Variants in UGT1A3 observed in about 807,000 individuals in gnomAD.
The protein encoded by UGT1A3 is UDP glucuronosyltransferase family 1 member A3, also known as UDP-glucuronosyltransferase 1A3.
Under a neutral mutation model 41.0 loss-of-function variants are expected in UGT1A3, and 31 were observed. The ratio of observed to expected loss-of-function variants is 0.76; its 90% CI spans 0.57 to 1.02. The LOEUF (loss-of-function observed/expected upper bound fraction) is 1.02. Among genes scored for constraint, UGT1A3 ranks in the 50% least tolerant of loss-of-function variants. UGT1A3 has a pLI of 0.00. For missense variants in UGT1A3, 737 were observed against 671.0 expected (o/e 1.10, Z -1.09); for synonymous variants, 262 against 257.6 (o/e 1.02, Z -0.17).
intron 4 of UGT1A3, chr2:233,771,715 T>C (rs1700358256): frequency 6.5e-6 from 1 of 152,904 alleles, no homozygotes; most frequent in African/African-American, 2.4e-5. Flanking sequence ...AAGGTTAAAA[T>C]ATTTCTAAAA....
intron 1 of UGT1A3, among the ~76,000 whole-genome samples, chr2:233,744,831 G>A (rs1406769887): frequency 6.6e-6 from 1 of 151,816 alleles, no homozygotes; most frequent in African/African-American, 2.4e-5. Flanking sequence ...TTTGAGAATC[G>A]CTAGTCTAGC....
At chr2:233,763,682 G>T (rs17864705) in intron 1 of UGT1A3, among the ~76,000 whole-genome samples, 10,348 of 152,178 alleles carry the variant, frequency 0.068, 497 homozygotes, top group East Asian at 0.2. Context: ...TAAGAATAAA[G>T]ATAAAACTTT....
chr2:233,736,955 C>T (rs954996490), intron 1 of UGT1A3, among the ~76,000 whole-genome samples: 6 of 152,190 alleles, frequency 3.9e-5, no homozygotes, highest in African/African-American at 1.2e-4. Context: ...TCTGTTGGCC[C>T]CTACTGGGAG....
intron 1 of UGT1A3, among the ~76,000 whole-genome samples, chr2:233,757,766 G>A (rs1169168407): frequency 6.6e-6 from 1 of 151,746 alleles, no homozygotes; most frequent in Admixed American, 6.6e-5. Context: ...TGCTCCTTTA[G>A]TAATAAGCCT....
chr2:233,746,329 G>C (rs1693363946), intron 1 of UGT1A3, among the ~76,000 whole-genome samples: 1 of 151,754 alleles, frequency 6.6e-6, no homozygotes, highest in Admixed American at 6.5e-5. Context: ...GATCTACAGG[G>C]CAATGGACAT....
chr2:233,753,691 A>T (rs900061019), intron 1 of UGT1A3: 1 of 152,228 alleles, frequency 6.6e-6, no homozygotes, highest in African/African-American at 2.4e-5. Context: ...ACAATATTAC[A>T]GATGCACTTG....
At position 233,767,254 on chromosome 2, in the gene UGT1A3, G is replaced by A. The variant is rs35359603; in HGVS notation, c.999+89G>A. The A allele has an allele frequency of 2.3e-4, 374 of 1,598,070 alleles. 1 individual carries two copies. In the African/African-American group the frequency reaches 4.6e-3, roughly 20 times the overall value. ...AGCTTCCAGATTAATTCTCTTAATTGGAACCTTAGATTTGGCTTTTCCCTG... is the reference window on the plus strand; with the variant it reads ...AGCTTCCAGATTAATTCTCTTAATTAGAACCTTAGATTTGGCTTTTCCCTG... On this transcript the variant is annotated intron_variant, in intron 2 of 4. Transcript: ENST00000482026.
At chr2:233,748,028 C>T in intron 1 of UGT1A3, 2 of 1,613,550 alleles carry the variant, frequency 1.2e-6, no homozygotes, top group Non-Finnish European at 8.5e-7. Context: ...TCATGCCCAA[C>T]ATGGTCTTCA....
chr2:233,754,899 C>A, intron 1 of UGT1A3: 2 of 1,352,028 alleles, frequency 1.5e-6, no homozygotes, highest in Non-Finnish European at 2.0e-6. Flanking sequence ...CCTCTGACCC[C>A]CCAAAATATT....
chr2:233,750,292 G>T (rs1321063731), intron 1 of UGT1A3, among the ~76,000 whole-genome samples: 1 of 151,952 alleles, frequency 6.6e-6, no homozygotes, highest in Non-Finnish European at 1.5e-5. Context: ...GTGGCATTTT[G>T]CCCCTGCCCT....
At chr2:233,763,469 A>G (rs1698318094) in intron 1 of UGT1A3, among the ~76,000 whole-genome samples, 1 of 152,180 alleles carries the variant, frequency 6.6e-6, no homozygotes, top group South Asian at 2.1e-4. Flanking sequence ...CTAACAATTA[A>G]TAGATTTGAT....
chr2:233,760,445 G>A (rs2125984169), intron 1 of UGT1A3: 1 of 1,614,212 alleles, frequency 6.2e-7, no homozygotes, highest in Non-Finnish European at 8.5e-7. Context: ...CTGCAGCAGA[G>A]GGGACATGAA....
rs1254304358 is a variant in UGT1A3 at position 233,743,239 on chromosome 2, C to G, written c.867+13246C>G. The stretch of plus-strand genomic sequence containing the variant: ...GCTCTTTGCTATTTATTATGAAGGA[C>G]TTTAACTCAACTCTCCATCTTCCTC... On this transcript the variant is annotated intron_variant, in intron 1 of 4. Coordinates refer to ENST00000482026, the MANE Select transcript of UGT1A3 (RefSeq NM_019093.4). The G allele has an allele frequency of 1.4e-5, 6 of 424,156 alleles. No individual in the cohort carries two copies. The East Asian group carries it at 4.3e-4, about 30-fold the overall frequency. 26.3% of individuals were successfully genotyped at this position (424,156 alleles called of 1,614,324 possible).
At chr2:233,739,460 T>C (rs1385095028) in intron 1 of UGT1A3, among the ~76,000 whole-genome samples, 1 of 152,240 alleles carries the variant, frequency 6.6e-6, no homozygotes, top group African/African-American at 2.4e-5. Context: ...GGGTTGGAGC[T>C]GCCTGAGACC....
At chr2:233,751,766 T>C (rs1221820452) in intron 1 of UGT1A3, among the ~76,000 whole-genome samples, 2 of 152,224 alleles carry the variant, frequency 1.3e-5, no homozygotes, top group Non-Finnish European at 2.9e-5. Context: ...ATGTGAGACA[T>C]GACTTTGCTT....
intron 1 of UGT1A3, among the ~76,000 whole-genome samples, chr2:233,758,517 G>C (rs1696901755): frequency 6.6e-6 from 1 of 152,214 alleles, no homozygotes; most frequent in Non-Finnish European, 1.5e-5. Flanking sequence ...ACACAACAAA[G>C]AGTGAAAGCA....
chr2:233,741,884 A>C (rs1310090539), intron 1 of UGT1A3: 1 of 151,868 alleles, frequency 6.6e-6, no homozygotes, highest in South Asian at 2.1e-4. Flanking sequence ...AGGTGACCCT[A>C]GAAGAAGGGA....
chr2:233,749,095 G>A (rs535774350), intron 1 of UGT1A3, among the ~76,000 whole-genome samples: 9 of 151,904 alleles, frequency 5.9e-5, no homozygotes, highest in Admixed American at 5.2e-4. Context: ...TGTATTTCAT[G>A]AGAGAATTCA....
intron 1 of UGT1A3, among the ~76,000 whole-genome samples, chr2:233,746,568 A>G (rs1299748110): frequency 6.6e-6 from 1 of 151,704 alleles, no homozygotes; most frequent in Non-Finnish European, 1.5e-5. Flanking sequence ...AGAGCACCAC[A>G]CCCTGTAATT....
Sources: gnomAD v4.1 joint callset for allele counts (sites outside exome capture counted in the v4.1 genomes callset) on GRCh38, gnomAD v4.1.1 for gene constraint, MANE v1.5 for transcripts, NCBI Gene and HGNC (gene_info 2026-07-23, HGNC 2026-07-21) for gene names.